Variants in PCNX1 observed in about 807,000 individuals in gnomAD.
PCNX1 encodes the protein pecanex 1, also known as pecanex-like protein 1.
A neutral mutation model predicts 242.2 loss-of-function variants in PCNX1; 78 were observed. That is an observed-to-expected ratio of 0.32 (90% CI 0.27 to 0.39). PCNX1 has a LOEUF of 0.39. Ranked by LOEUF, PCNX1 falls within the 10% of genes least tolerant of loss-of-function variation. The pLI, the probability that PCNX1 is intolerant of heterozygous loss-of-function variation, is 1.00. For missense variants in PCNX1, 2,581 were observed against 2,856.5 expected (o/e 0.90, Z 2.20); for synonymous variants, 1,024 against 1,032.9 (o/e 0.99, Z 0.17).
chr14:71,011,466 G>A (rs745532277), intron 9 of PCNX1, 26 bp from the exon 10 acceptor site: 2 of 1,321,438 alleles, frequency 1.5e-6, no homozygotes, highest in Non-Finnish European at 2.2e-6. Context: ...TTGACAAACT[G>A]TTCCCTATTT....
At chr14:71,014,198 T>C (rs2059898657) in intron 11 of PCNX1, among the ~76,000 whole-genome samples, 1 of 152,126 alleles carries the variant, frequency 6.6e-6, no homozygotes, top group Admixed American at 6.5e-5. Flanking sequence ...TGGGGAATAA[T>C]TACCCCTAGC....
chr14:70,958,713 C>T (rs1016254868), intron 2 of PCNX1, among the ~76,000 whole-genome samples: 1 of 152,030 alleles, frequency 6.6e-6, no homozygotes, highest in African/African-American at 2.4e-5. Context: ...CACTCCTGGC[C>T]TGATTCAAAC....
intron 3 of PCNX1, among the ~76,000 whole-genome samples, 155 bp downstream of exon 3, chr14:70,962,486 T>G (rs557719655): frequency 6.8e-4 from 103 of 152,380 alleles, no homozygotes; most frequent in Non-Finnish European, 1.2e-3. Context: ...ATATTCTTTT[T>G]AAGTTACTTT....
chr14:71,098,509 CGTGT>C (rs3221474), intron 30 of PCNX1, among the ~76,000 whole-genome samples: 7,023 of 128,420 alleles, frequency 0.055, 273 homozygotes, highest in African/African-American at 0.12. Flanking sequence ...TAGATGTATT[CGTGT>C]GTGTGTGTGT....
intron 3 of PCNX1, among the ~76,000 whole-genome samples, chr14:70,963,771 A>G (rs1229617960): frequency 6.6e-6 from 1 of 152,220 alleles, no homozygotes; most frequent in African/African-American, 2.4e-5. Flanking sequence ...CTAAACATGT[A>G]CAGATCTAAA....
At chr14:71,045,320 A>G (rs750842645) in intron 20 of PCNX1, 37 bp downstream of exon 20, 3 of 1,458,558 alleles carry the variant, frequency 2.1e-6, no homozygotes, top group African/African-American at 1.4e-5. Context: ...TTTTAATACT[A>G]TGAGTTTTTC....
chr14:71,045,831 G>C (rs1198456625), intron 20 of PCNX1, among the ~76,000 whole-genome samples: 2 of 152,088 alleles, frequency 1.3e-5, no homozygotes, highest in Non-Finnish European at 2.9e-5. Context: ...AAGTATAAAA[G>C]GATGGAAAAG....
chr14:71,005,949 G>GT (rs1254204379), intron 8 of PCNX1, among the ~76,000 whole-genome samples: 4 of 149,074 alleles, frequency 2.7e-5, no homozygotes, highest in African/African-American at 9.9e-5. Context: ...TTGAGACAGG[G>GT]TCTCACTCTC....
chr14:71,031,336 G>A (rs1229847772), intron 16 of PCNX1, among the ~76,000 whole-genome samples: 1 of 152,174 alleles, frequency 6.6e-6, no homozygotes, highest in East Asian at 1.9e-4. Context: ...CAGGCCAAGT[G>A]CTGGGACAGG....
In PCNX1 at chr14:71,085,205, G is replaced by A. The variant is rs578021341; in HGVS notation, c.5338-3125G>A. On this transcript the variant is annotated intron_variant, in intron 28 of 35. Transcript: ENST00000304743. Reference sequence around the variant, plus strand: ...CTAACCAGTCCCAATGCGATGAGCCGGGTACTTCAGTTGGAAATGCAGAAA... The same window carrying A: ...CTAACCAGTCCCAATGCGATGAGCCAGGTACTTCAGTTGGAAATGCAGAAA... 9.9e-5 allele frequency among the ~76,000 whole-genome samples: 15 copies of A among 152,252 alleles called. No homozygotes were observed. The South Asian group carries it at 1.0e-3, about 11-fold the overall frequency.
intron 13 of PCNX1, among the ~76,000 whole-genome samples, chr14:71,024,564 T>C (rs1425256995): frequency 6.6e-6 from 1 of 152,222 alleles, no homozygotes; most frequent in Non-Finnish European, 1.5e-5. Flanking sequence ...TCTGATTTGA[T>C]AAGGCCGTGC....
At chr14:71,024,935 A>T (rs1391530227) in intron 13 of PCNX1, among the ~76,000 whole-genome samples, 1 of 152,318 alleles carries the variant, frequency 6.6e-6, no homozygotes, top group South Asian at 2.1e-4. Flanking sequence ...TCTCTTACAG[A>T]TAATAAATAC....
At chr14:70,935,617 G>A (rs1438452139) in intron 1 of PCNX1, among the ~76,000 whole-genome samples, 3 of 152,138 alleles carry the variant, frequency 2.0e-5, no homozygotes, top group Non-Finnish European at 4.4e-5. Flanking sequence ...TAATATTTTC[G>A]ATGAATTTGT....
In PCNX1 at chr14:71,073,265, T is replaced by C. The variant is rs542825722; in HGVS notation, c.4853-280T>C. On this transcript the variant is annotated intron_variant, in intron 26 of 35. Transcript: ENST00000304743. ...GTGGGCTGAGATCACGCCACTGCAC[T>C]CCAGCCTGGGCTACAGAGGGAGACT... Among the ~76,000 whole-genome samples the C allele has an allele frequency of 2.0e-5, 3 of 152,324 alleles. No individual in the cohort carries two copies. In the South Asian group the frequency reaches 6.2e-4, roughly 32 times the overall value.
At chr14:71,078,380 C>G (rs2061769420) in intron 28 of PCNX1, among the ~76,000 whole-genome samples, 1 of 152,172 alleles carries the variant, frequency 6.6e-6, no homozygotes, top group Non-Finnish European at 1.5e-5. Context: ...CTGCCTCAGA[C>G]CCTTCTTCCA....
intron 1 of PCNX1, among the ~76,000 whole-genome samples, chr14:70,922,806 A>G (rs1200276714): frequency 6.8e-6 from 1 of 146,948 alleles, no homozygotes; most frequent in Non-Finnish European, 1.5e-5. Context: ...GCAATATATT[A>G]GTGAACACTT....
chr14:71,098,921 G>A, intron 30 of PCNX1, among the ~76,000 whole-genome samples: 1 of 152,134 alleles, frequency 6.6e-6, no homozygotes, highest in Non-Finnish European at 1.5e-5. Flanking sequence ...CATTCAGTAT[G>A]AGGGCTGTGG....
chr14:70,974,861 C>A (rs1057345996), intron 5 of PCNX1, among the ~76,000 whole-genome samples: 1 of 152,084 alleles, frequency 6.6e-6, no homozygotes, highest in Non-Finnish European at 1.5e-5. Context: ...TTGATATAAT[C>A]TTTTTCATAT....
Position 71,006,103 on chromosome 14 carries a change from C to G in PCNX1, c.2630-3531C>G, listed in dbSNP as rs867864338. Among the ~76,000 whole-genome samples the G allele has an allele frequency of 3.8e-3, 436 of 114,208 alleles. 2 individuals are homozygous for G. The highest frequency in any genetic ancestry group is 6.4e-3 in the South Asian group (20 of 3,146). 74.9% of individuals were successfully genotyped at this position (114,208 alleles called of 152,430 possible). On this transcript the variant is annotated intron_variant, in intron 8 of 35. Transcript: ENST00000304743. The stretch of plus-strand genomic sequence containing the variant: ...ACACCCAGCTAGTACGTGTGTGTGT[C>G]TGTGTGTGTGTGTGTGTGTGTGTGT...
Sources: allele counts gnomAD v4.1 joint callset (sites outside exome capture counted in the v4.1 genomes callset), GRCh38; gene constraint gnomAD v4.1.1; transcripts MANE v1.5; gene names NCBI Gene and HGNC (gene_info 2026-07-23, HGNC 2026-07-21).